The following CPQ variants were observed in gnomAD, a reference collection of about 807,000 sequenced individuals.
The protein encoded by CPQ is carboxypeptidase Q.
CPQ carries 37 observed loss-of-function variants against 45.7 expected under a neutral mutation model. The observed-to-expected ratio is 0.81, with a 90% CI of 0.62 to 1.07. The LOEUF is 1.07. Among genes scored for constraint, CPQ ranks in the 50% least tolerant of loss-of-function variants. CPQ has a pLI of 0.00. For missense variants in CPQ, 537 were observed against 572.9 expected (o/e 0.94, Z 0.64); for synonymous variants, 186 against 205.8 (o/e 0.90, Z 0.82).
At chr8:96,956,409 A>G (rs1813358325) in intron 4 of CPQ, among the ~76,000 whole-genome samples, 1 of 152,174 alleles carries the variant, frequency 6.6e-6, no homozygotes, top group African/African-American at 2.4e-5. Flanking sequence ...ATACACAAAC[A>G]TTATAAGGTT....
At chr8:96,991,613 A>G (rs1355502405) in intron 5 of CPQ, among the ~76,000 whole-genome samples, 1 of 150,556 alleles carries the variant, frequency 6.6e-6, no homozygotes, top group Non-Finnish European at 1.5e-5. Context: ...TGCTTTCCCT[A>G]CATCTAGCTA....
chr8:97,019,485 C>A (rs953303381), intron 5 of CPQ, among the ~76,000 whole-genome samples: 1 of 152,134 alleles, frequency 6.6e-6, no homozygotes, highest in Non-Finnish European at 1.5e-5. Context: ...CAGAGACACA[C>A]CTAACACTTA....
At chr8:97,139,769 T>C (rs923543000) in intron 7 of CPQ, among the ~76,000 whole-genome samples, 2 of 152,080 alleles carry the variant, frequency 1.3e-5, no homozygotes, top group African/African-American at 4.8e-5. Context: ...TTACTGCTTA[T>C]GCTAGAGACA....
At chr8:97,142,964 A>G in intron 7 of CPQ, 56 bp from the exon 8 acceptor site, 1 of 1,560,874 alleles carries the variant, frequency 6.4e-7, no homozygotes, top group Non-Finnish European at 8.8e-7. Flanking sequence ...AGAGGTGTGT[A>G]TTCAGCAGTG....
At chr8:96,841,579 C>G (rs538285017) in intron 3 of CPQ, among the ~76,000 whole-genome samples, 2 of 152,314 alleles carry the variant, frequency 1.3e-5, no homozygotes, top group South Asian at 4.1e-4. Context: ...TTTCTCTTCA[C>G]TTTACTGTGA....
At chr8:96,944,807 A>G (rs1813167628) in intron 4 of CPQ, among the ~76,000 whole-genome samples, 1 of 152,174 alleles carries the variant, frequency 6.6e-6, no homozygotes. Flanking sequence ...AAAAGGTTAC[A>G]GTGTTTGCAT....
chr8:97,132,180 C>CTCA (rs774001312), intron 7 of CPQ, among the ~76,000 whole-genome samples: 10 of 152,158 alleles, frequency 6.6e-5, no homozygotes, highest in Non-Finnish European at 1.3e-4. Context: ...ATGTTATAAA[C>CTCA]TCATCAGCTT....
At chr8:97,011,804 C>T (rs961330696) in intron 5 of CPQ, among the ~76,000 whole-genome samples, 1 of 152,126 alleles carries the variant, frequency 6.6e-6, no homozygotes, top group Non-Finnish European at 1.5e-5. Flanking sequence ...CAATCTTGGT[C>T]CCTTCTCCCC....
At chr8:96,741,989 G>T (rs1249561379) in intron 1 of CPQ, among the ~76,000 whole-genome samples, 3 of 144,270 alleles carry the variant, frequency 2.1e-5, no homozygotes, top group Admixed American at 7.0e-5. Flanking sequence ...TGTCTATTAG[G>T]TCCGCTTGGT....
At chr8:96,761,232 A>G (rs1207466017) in intron 1 of CPQ, 1 of 152,160 alleles carries the variant, frequency 6.6e-6, no homozygotes, top group Non-Finnish European at 1.5e-5. Context: ...GCTTGTGGGA[A>G]GAAAGCCGCA....
chr8:96,788,341 G>C (rs1810802012), intron 2 of CPQ, among the ~76,000 whole-genome samples: 1 of 151,786 alleles, frequency 6.6e-6, no homozygotes, highest in African/African-American at 2.4e-5. Context: ...TGTATTTTTA[G>C]TAGAGATGCA....
intron 6 of CPQ, among the ~76,000 whole-genome samples, chr8:97,032,324 CTT>C (rs966648244): frequency 9.9e-5 from 15 of 152,122 alleles, no homozygotes; most frequent in Non-Finnish European, 1.9e-4. Flanking sequence ...TTTAATATGC[CTT>C]TGAGTATTGA....
intron 4 of CPQ, among the ~76,000 whole-genome samples, chr8:96,899,883 G>A (rs772878222): frequency 4.8e-5 from 7 of 146,764 alleles, no homozygotes; most frequent in Admixed American, 1.4e-4. Context: ...AGAGAAAGTC[G>A]ATATGAAGGG....
At chr8:96,971,490 A>G (rs1201490153) in intron 5 of CPQ, among the ~76,000 whole-genome samples, 1 of 152,184 alleles carries the variant, frequency 6.6e-6, no homozygotes, top group African/African-American at 2.4e-5. Context: ...TATTTTCTAG[A>G]AGGAATTTTT....
intron 5 of CPQ, among the ~76,000 whole-genome samples, chr8:96,976,670 G>C (rs1421633834): frequency 6.6e-6 from 1 of 152,140 alleles, no homozygotes; most frequent in Non-Finnish European, 1.5e-5. Flanking sequence ...CAATGGAAGA[G>C]AAGAAAGAAC....
chr8:96,960,016 C>T (rs1016875902), intron 4 of CPQ, among the ~76,000 whole-genome samples: 14 of 151,496 alleles, frequency 9.2e-5, no homozygotes, highest in African/African-American at 3.4e-4. Flanking sequence ...TGACAATTGA[C>T]CAACATGAAT....
At chr8:96,882,178 C>A (rs1812233167) in intron 4 of CPQ, among the ~76,000 whole-genome samples, 1 of 152,172 alleles carries the variant, frequency 6.6e-6, no homozygotes, top group Non-Finnish European at 1.5e-5. Flanking sequence ...TTTCCCTCTT[C>A]TAAAATCATC....
intron 3 of CPQ, among the ~76,000 whole-genome samples, chr8:96,845,803 A>T (rs1221106885): frequency 6.6e-6 from 1 of 152,090 alleles, no homozygotes; most frequent in Admixed American, 6.5e-5. Flanking sequence ...CTTTATAAGA[A>T]ATTGCCTAAC....
chr8:96,825,410 A>G (rs1201817959), intron 2 of CPQ, among the ~76,000 whole-genome samples: 3 of 152,066 alleles, frequency 2.0e-5, no homozygotes, highest in Non-Finnish European at 4.4e-5. Flanking sequence ...CCTGGATTCA[A>G]ATCCAAGCAC....
Sources: allele counts gnomAD v4.1 joint callset (sites outside exome capture counted in the v4.1 genomes callset), GRCh38; gene constraint gnomAD v4.1.1; transcripts MANE v1.5; gene names NCBI Gene and HGNC (gene_info 2026-07-23, HGNC 2026-07-21).